The following FOCAD variants were observed in gnomAD, a reference collection of about 807,000 sequenced individuals.
FOCAD encodes the protein focadhesin.
In FOCAD, 198 loss-of-function variants were observed where a neutral mutation model predicts 225.6. The ratio of observed to expected loss-of-function variants is 0.88; its 90% CI spans 0.78 to 0.99. FOCAD has a LOEUF of 0.99. Ranked by LOEUF, FOCAD falls within the 50% of genes least tolerant of loss-of-function variation. The probability of loss-of-function intolerance (pLI) is 0.00; values close to 1 mark genes in which losing one functional copy is unlikely to be tolerated. For missense variants in FOCAD, 2,713 were observed against 2,123.6 expected (o/e 1.28, Z -5.46); for synonymous variants, 897 against 755.0 (o/e 1.19, Z -3.08).
chr9:20,714,141 A>T (rs1031806711), intron 1 of FOCAD, among the ~76,000 whole-genome samples: 9 of 151,264 alleles, frequency 5.9e-5, no homozygotes, highest in Non-Finnish European at 1.0e-4. Flanking sequence ...ATTTGGATTT[A>T]AAAAAAAAAT....
intron 15 of FOCAD, among the ~76,000 whole-genome samples, chr9:20,853,347 C>G (rs1441677768): frequency 6.6e-6 from 1 of 151,720 alleles, no homozygotes; most frequent in East Asian, 1.9e-4. Flanking sequence ...GCTTCATAGT[C>G]TAGATCAATC....
intron 5 of FOCAD, among the ~76,000 whole-genome samples, chr9:20,743,987 A>G (rs1416655159): frequency 7.2e-5 from 11 of 152,202 alleles, no homozygotes; most frequent in Admixed American, 7.2e-4. Flanking sequence ...GTCATGGACA[A>G]TAGAGAGGCC....
intron 2 of FOCAD, among the ~76,000 whole-genome samples, chr9:20,717,331 C>G (rs919682357): frequency 6.6e-6 from 1 of 152,156 alleles, no homozygotes; most frequent in African/African-American, 2.4e-5. Flanking sequence ...GTTTCCAACC[C>G]GTACACAGAA....
At chr9:20,813,227 A>G (rs1372517575) in intron 11 of FOCAD, among the ~76,000 whole-genome samples, 1 of 152,142 alleles carries the variant, frequency 6.6e-6, no homozygotes, top group Non-Finnish European at 1.5e-5. Context: ...ATTCCATTGT[A>G]TGCATATACC....
At chr9:20,943,328 T>C (rs1379737947) in intron 28 of FOCAD, among the ~76,000 whole-genome samples, 2 of 152,190 alleles carry the variant, frequency 1.3e-5, no homozygotes, top group African/African-American at 4.8e-5. Context: ...TGGCTGATCG[T>C]TATGCAACAG....
chr9:20,712,186 G>A (rs1218419810), intron 1 of FOCAD, among the ~76,000 whole-genome samples: 1 of 152,000 alleles, frequency 6.6e-6, no homozygotes, highest in Non-Finnish European at 1.5e-5. Context: ...ATACCTGTGA[G>A]GCATCTAAAA....
chr9:20,687,963 T>C (rs1822761942), intron 1 of FOCAD, among the ~76,000 whole-genome samples: 1 of 152,086 alleles, frequency 6.6e-6, no homozygotes, highest in African/African-American at 2.4e-5. Context: ...AATTAGTTGG[T>C]GAGGTTAGAG....
intron 19 of FOCAD, chr9:20,875,083 G>A: frequency 2.8e-6 from 1 of 359,142 alleles, no homozygotes; most frequent in Non-Finnish European, 5.0e-6. Flanking sequence ...AAGGCTAAAT[G>A]TATTCCACAA....
chr9:20,912,414 T>C (rs1328685768), intron 22 of FOCAD, among the ~76,000 whole-genome samples: 1 of 152,098 alleles, frequency 6.6e-6, no homozygotes, highest in Non-Finnish European at 1.5e-5. Context: ...GAGAATAACT[T>C]ATATTATATC....
At chr9:20,872,083 A>G (rs1829828511) in intron 18 of FOCAD, among the ~76,000 whole-genome samples, 1 of 152,132 alleles carries the variant, frequency 6.6e-6, no homozygotes, top group Non-Finnish European at 1.5e-5. Flanking sequence ...CATATAGTAT[A>G]TAATCTATTC....
At chr9:20,936,680 A>C (rs1220496153) in intron 28 of FOCAD, among the ~76,000 whole-genome samples, 1 of 152,146 alleles carries the variant, frequency 6.6e-6, no homozygotes, top group African/African-American at 2.4e-5. Context: ...TACAAAAAAA[A>C]CAGGGATGCC....
At chr9:20,833,809 T>C (rs1316823008) in intron 15 of FOCAD, among the ~76,000 whole-genome samples, 1 of 152,094 alleles carries the variant, frequency 6.6e-6, no homozygotes, top group Non-Finnish European at 1.5e-5. Flanking sequence ...CATTGGGAAA[T>C]GTGCACACCA....
chr9:20,912,751 T>C (rs1225400971), intron 22 of FOCAD, 115 bp from the exon 23 acceptor site: 18 of 736,102 alleles, frequency 2.4e-5, no homozygotes, highest in Non-Finnish European at 4.0e-5. Flanking sequence ...ATCTAATGTC[T>C]TACCCAGAAC....
chr9:20,936,711 A>C (rs1305249758), intron 28 of FOCAD, among the ~76,000 whole-genome samples: 3 of 152,164 alleles, frequency 2.0e-5, no homozygotes, highest in Non-Finnish European at 4.4e-5. Context: ...ACCCCGATTC[A>C]ACATAGTGTT....
chr9:20,818,126 T>C (rs1410071600), intron 11 of FOCAD, among the ~76,000 whole-genome samples: 1 of 152,202 alleles, frequency 6.6e-6, no homozygotes, highest in Non-Finnish European at 1.5e-5. Context: ...CATTCCATCA[T>C]GTCTCATGAA....
At chr9:20,935,077 A>C (rs1230164291) in intron 28 of FOCAD, among the ~76,000 whole-genome samples, 1 of 152,216 alleles carries the variant, frequency 6.6e-6, no homozygotes. Flanking sequence ...TGCAGTTCTC[A>C]TCAAAATACT....
intron 35 of FOCAD, among the ~76,000 whole-genome samples, chr9:20,955,592 C>G (rs1838064229): frequency 6.7e-6 from 1 of 148,844 alleles, no homozygotes; most frequent in Admixed American, 6.7e-5. Flanking sequence ...ATTCCTCTAT[C>G]AGATATATTG....
chr9:20,723,617 A>G (rs928802777), intron 4 of FOCAD, among the ~76,000 whole-genome samples: 4 of 152,252 alleles, frequency 2.6e-5, no homozygotes, highest in African/African-American at 9.6e-5. Flanking sequence ...AACTGTTAGT[A>G]GGTCTTATTA....
intron 11 of FOCAD, among the ~76,000 whole-genome samples, chr9:20,813,399 A>G (rs879504115): frequency 3.3e-5 from 5 of 152,154 alleles, no homozygotes; most frequent in Non-Finnish European, 7.3e-5. Context: ...CATAGAGTAG[A>G]TTAAAAAAAA....
Sources: allele counts gnomAD v4.1 joint callset (sites outside exome capture counted in the v4.1 genomes callset), GRCh38; gene constraint gnomAD v4.1.1; transcripts MANE v1.5; gene names NCBI Gene and HGNC (gene_info 2026-07-23, HGNC 2026-07-21).